The following DYNLRB1 variants were observed in gnomAD, a reference collection of about 807,000 sequenced individuals.
DYNLRB1 encodes dynein light chain roadblock-type 1, also known as ROBL/LC7-like 1.
Under a neutral mutation model 13.5 loss-of-function variants are expected in DYNLRB1, and 6 were observed. The observed-to-expected ratio is 0.44, with a 90% CI of 0.24 to 0.88. DYNLRB1 has a LOEUF of 0.88. DYNLRB1 is among the 40% of genes least tolerant of loss of function. The pLI, the probability that DYNLRB1 is intolerant of heterozygous loss-of-function variation, is 0.21. For synonymous variants in DYNLRB1, 43 were observed against 45.0 expected (o/e 0.96, Z 0.18); for missense variants, 93 against 127.2 (o/e 0.73, Z 1.29).
intron 1 of DYNLRB1, among the ~76,000 whole-genome samples, chr20:34,517,630 T>TC (rs1979354477): frequency 1.4e-5 from 2 of 146,262 alleles, no homozygotes; most frequent in African/African-American, 5.0e-5. Context: ...ATTATTTCTT[T>TC]TTTTTTTTTT....
intron 3 of DYNLRB1, among the ~76,000 whole-genome samples, chr20:34,537,665 C>T (rs6141480): frequency 6.6e-6 from 1 of 152,148 alleles, no homozygotes; most frequent in African/African-American, 2.4e-5. Context: ...CACGCAGAGC[C>T]TAGGAGGCCC....
intron 3 of DYNLRB1, among the ~76,000 whole-genome samples, chr20:34,538,837 G>A (rs1467254301): frequency 6.6e-6 from 1 of 152,218 alleles, no homozygotes; most frequent in Admixed American, 6.5e-5. Flanking sequence ...ATGCTCAGCA[G>A]GGGGCAGCAG....
intron 1 of DYNLRB1, among the ~76,000 whole-genome samples, chr20:34,523,153 T>C (rs1374199975): frequency 6.6e-6 from 1 of 152,000 alleles, no homozygotes; most frequent in Non-Finnish European, 1.5e-5. Flanking sequence ...GCTCTGGAGC[T>C]GAGTCCAAAG....
In DYNLRB1 at chr20:34,527,184, G is replaced by A. The variant is rs564477915; in HGVS notation, c.79+841G>A. On this transcript the variant is annotated intron_variant, in intron 2 of 3. Transcript: ENST00000357156. ...GAGATTTAAATCCAAGCCCGTCTGA[G>A]TGCGCTTGGGTGCTTTCTCCCGCGC... Among the ~76,000 whole-genome samples the A allele has an allele frequency of 2.6e-5, 4 of 152,310 alleles. No homozygotes were observed. In the South Asian group the frequency reaches 8.3e-4, roughly 32 times the overall value.
intron 2 of DYNLRB1, among the ~76,000 whole-genome samples, chr20:34,528,983 TAA>T (rs113792309): frequency 7.1e-6 from 1 of 141,552 alleles, no homozygotes. Flanking sequence ...CTTGTCTCTT[TAA>T]AAAAAAAAAA....
intron 1 of DYNLRB1, among the ~76,000 whole-genome samples, chr20:34,518,413 A>G (rs1373881655): frequency 2.0e-5 from 3 of 152,150 alleles, no homozygotes; most frequent in African/African-American, 7.2e-5. Context: ...AAAAAAATAA[A>G]TGATGTAAAA....
rs1219012401 is a variant in DYNLRB1 at position 34,540,639 on chromosome 20, TC to T, written c.*18del. ...CAACCGAATAAGCCACTCTCTTGGC[TC>T]CCTGTGTCATTCCTTAATTTAATGC... On this transcript the variant is annotated 3_prime_UTR_variant, in exon 4 of 4. Transcript: ENST00000357156. 1.7e-5 allele frequency: 28 copies of T among 1,613,300 alleles called. No homozygotes were observed. Among genetic ancestry groups the T allele is most frequent in the Non-Finnish European group, 2.4e-5 (28 of 1,179,506 alleles).
chr20:34,536,855 A>T (rs1981190919), intron 3 of DYNLRB1, among the ~76,000 whole-genome samples: 1 of 152,036 alleles, frequency 6.6e-6, no homozygotes, highest in African/African-American at 2.4e-5. Context: ...GTATGGGGGA[A>T]GGGAGCAAAT....
chr20:34,534,911 T>C, intron 3 of DYNLRB1, 116 bp downstream of exon 3: 4 of 1,552,736 alleles, frequency 2.6e-6, no homozygotes, highest in Non-Finnish European at 3.5e-6. Flanking sequence ...GCCCGAGGAG[T>C]TGAAGGAATT....
intron 1 of DYNLRB1, among the ~76,000 whole-genome samples, chr20:34,519,457 G>A (rs1372886651): frequency 6.6e-6 from 1 of 152,094 alleles, no homozygotes; most frequent in African/African-American, 2.4e-5. Flanking sequence ...AGGAGGTCAA[G>A]GCTACAGTGA....
intron 2 of DYNLRB1, among the ~76,000 whole-genome samples, chr20:34,528,595 G>C (rs972019157): frequency 6.6e-6 from 1 of 152,182 alleles, no homozygotes; most frequent in Non-Finnish European, 1.5e-5. Flanking sequence ...TGAGGACTGT[G>C]TTGAGAGGAA....
At chr20:34,534,981 G>A in intron 3 of DYNLRB1, 186 bp downstream of exon 3, 6 of 1,447,276 alleles carry the variant, frequency 4.1e-6, no homozygotes, top group East Asian at 2.5e-5. Context: ...GATCCTCCCA[G>A]GGACCGGCCC....
In DYNLRB1 at chr20:34,540,633, C is replaced by T. The variant is rs372844949; in HGVS notation, c.*9C>T. 7 of 1,613,492 alleles carry T rather than the reference C, an allele frequency of 4.3e-6. No individual in the cohort carries two copies. In the African/African-American group the frequency reaches 8.0e-5, roughly 18 times the overall value. Reference sequence around the variant, plus strand: ...AGAATCCAACCGAATAAGCCACTCTCTTGGCTCCCTGTGTCATTCCTTAAT... The same window carrying T: ...AGAATCCAACCGAATAAGCCACTCTTTTGGCTCCCTGTGTCATTCCTTAAT... On this transcript the variant is annotated 3_prime_UTR_variant, in exon 4 of 4. Coordinates refer to ENST00000357156, the MANE Select transcript of DYNLRB1 (RefSeq NM_014183.4).
intron 1 of DYNLRB1, among the ~76,000 whole-genome samples, chr20:34,524,012 C>T (rs1396564585): frequency 6.6e-6 from 1 of 152,160 alleles, no homozygotes; most frequent in African/African-American, 2.4e-5. Context: ...CTTAAATTGT[C>T]ATCCAAGTTA....
chr20:34,516,413 G>A, upstream of DYNLRB1: 1 of 1,610,566 alleles, frequency 6.2e-7, no homozygotes, highest in Non-Finnish European at 8.5e-7. Flanking sequence ...GAAAGGCACA[G>A]GACTCGCTAA....
intron 1 of DYNLRB1, among the ~76,000 whole-genome samples, chr20:34,517,912 C>A (rs961103668): frequency 6.6e-6 from 1 of 152,174 alleles, no homozygotes; most frequent in African/African-American, 2.4e-5. Context: ...GCTGGGATTA[C>A]AGGCGTGAGC....
rs545353173 is a variant in DYNLRB1, at chr20:34,535,949, G to A, written c.247+1154G>A. 1.7e-3 allele frequency: 1,681 copies of A among 985,306 alleles called. 1 individual carries two copies. Among genetic ancestry groups the A allele is most frequent in the Middle Eastern group, 2.6e-3 (5 of 1,914 alleles). 61.0% of individuals were successfully genotyped at this position (985,306 alleles called of 1,614,324 possible). A position where few individuals can be genotyped will look rare whatever the true frequency, so the allele number is the denominator to read the frequency against. On this transcript the variant is annotated intron_variant, in intron 3 of 3. Coordinates refer to ENST00000357156, the MANE Select transcript of DYNLRB1 (RefSeq NM_014183.4). ...AGGAGGCTGGCCACAGAGTTCTGAG[G>A]TAATTTGATGGGAGGTCAGCCACTC...
intron 3 of DYNLRB1, among the ~76,000 whole-genome samples, chr20:34,538,476 T>C (rs1981342161): frequency 6.6e-6 from 1 of 152,064 alleles, no homozygotes; most frequent in Non-Finnish European, 1.5e-5. Flanking sequence ...TTTTCACTTA[T>C]TAACTTCACT....
chr20:34,533,090 A>G (rs983097674), intron 2 of DYNLRB1, among the ~76,000 whole-genome samples: 4 of 152,176 alleles, frequency 2.6e-5, no homozygotes, highest in Admixed American at 6.5e-5. Context: ...TGCTGGCCCA[A>G]TCATGACCTG....
Sources: gnomAD v4.1 joint callset for allele counts (sites outside exome capture counted in the v4.1 genomes callset) on GRCh38, gnomAD v4.1.1 for gene constraint, MANE v1.5 for transcripts, NCBI Gene and HGNC (gene_info 2026-07-23, HGNC 2026-07-21) for gene names.